The following LRRC4C variants were observed in gnomAD, a reference collection of about 807,000 sequenced individuals.
LRRC4C encodes the protein leucine-rich repeat-containing protein 4C.
Under a neutral mutation model 33.6 loss-of-function variants are expected in LRRC4C, and 5 were observed. The ratio of observed to expected loss-of-function variants is 0.15; its 90% CI spans 0.08 to 0.31. The LOEUF (loss-of-function observed/expected upper bound fraction) is 0.31. LRRC4C is among the 10% of genes least tolerant of loss of function. The pLI, the probability that LRRC4C is intolerant of heterozygous loss-of-function variation, is 1.00. For synonymous variants in LRRC4C, 329 were observed against 302.0 expected (o/e 1.09, Z -0.93); for missense variants, 560 against 796.7 (o/e 0.70, Z 3.58).
At chr11:40,617,208 ATATT>A (rs1279948429) in intron 3 of LRRC4C, among the ~76,000 whole-genome samples, 1 of 151,760 alleles carries the variant, frequency 6.6e-6, no homozygotes, top group African/African-American at 2.4e-5. Flanking sequence ...TTAGATAGCT[ATATT>A]TATTTCTAAT....
At chr11:40,332,629 C>T (rs1036926824) in intron 3 of LRRC4C, among the ~76,000 whole-genome samples, 1 of 152,108 alleles carries the variant, frequency 6.6e-6, no homozygotes, top group Non-Finnish European at 1.5e-5. Context: ...AATATTCTTC[C>T]TTTCCTGGAC....
chr11:41,362,878 T>C (rs1371687360), intron 1 of LRRC4C, among the ~76,000 whole-genome samples: 1 of 152,158 alleles, frequency 6.6e-6, no homozygotes, highest in Non-Finnish European at 1.5e-5. Context: ...TCCTTCTGCT[T>C]CCATCTGCTT....
At chr11:40,246,149 T>C (rs934860339) in intron 4 of LRRC4C, among the ~76,000 whole-genome samples, 2 of 152,044 alleles carry the variant, frequency 1.3e-5, no homozygotes, top group Non-Finnish European at 2.9e-5. Flanking sequence ...AATTTTTATA[T>C]TTTTAGTAGA....
At chr11:41,284,264 C>A (rs1949755763) in intron 1 of LRRC4C, among the ~76,000 whole-genome samples, 1 of 152,184 alleles carries the variant, frequency 6.6e-6, no homozygotes, top group Non-Finnish European at 1.5e-5. Flanking sequence ...ATAGAGACTG[C>A]TATAACTATG....
At chr11:40,550,257 T>A (rs142442286) in intron 3 of LRRC4C, among the ~76,000 whole-genome samples, 17 of 152,264 alleles carry the variant, frequency 1.1e-4, no homozygotes, top group African/African-American at 3.6e-4. Context: ...CTTGATTCCA[T>A]GTCTGCCTCT....
intron 3 of LRRC4C, among the ~76,000 whole-genome samples, chr11:40,439,423 A>C (rs1347675873): frequency 6.6e-6 from 1 of 151,202 alleles, no homozygotes; most frequent in Admixed American, 6.6e-5. Flanking sequence ...ATTACGAGTA[A>C]TAGGTCCTCT....
intron 3 of LRRC4C, among the ~76,000 whole-genome samples, chr11:40,500,529 G>C (rs895962315): frequency 1.6e-4 from 25 of 151,908 alleles, no homozygotes; most frequent in Admixed American, 9.8e-4. Flanking sequence ...ATCATGGTGG[G>C]AGGCAAAAGG....
chr11:40,992,269 T>TC (rs1235635641), intron 1 of LRRC4C, among the ~76,000 whole-genome samples: 7 of 152,114 alleles, frequency 4.6e-5, no homozygotes, highest in Admixed American at 1.3e-4. Context: ...ATAATGCCAC[T>TC]CTTCCCACTA....
At chr11:40,392,510 A>T (rs1284567081) in intron 3 of LRRC4C, among the ~76,000 whole-genome samples, 5 of 152,188 alleles carry the variant, frequency 3.3e-5, no homozygotes, top group East Asian at 1.9e-4. Context: ...TTAATTTTTT[A>T]AAATAAATAA....
chr11:41,433,168 T>C (rs185306223), intron 1 of LRRC4C, among the ~76,000 whole-genome samples: 89 of 152,288 alleles, frequency 5.8e-4, no homozygotes, highest in African/African-American at 2.0e-3. Context: ...CACGAGTTTA[T>C]GAAATTATTT....
At chr11:41,100,135 T>A (rs1283955414) in intron 1 of LRRC4C, among the ~76,000 whole-genome samples, 1 of 151,406 alleles carries the variant, frequency 6.6e-6, no homozygotes, top group Non-Finnish European at 1.5e-5. Context: ...AAAACAAAAA[T>A]CCACCTAGGA....
chr11:41,316,262 C>CA (rs60671406), intron 1 of LRRC4C, among the ~76,000 whole-genome samples: 2,364 of 77,946 alleles, frequency 0.03, 120 homozygotes, highest in South Asian at 0.17. Context: ...CTCTGGATGG[C>CA]AAAAAAAAAA....
intron 1 of LRRC4C, among the ~76,000 whole-genome samples, chr11:41,018,477 A>G (rs1242964136): frequency 6.6e-6 from 1 of 152,126 alleles, no homozygotes; most frequent in Non-Finnish European, 1.5e-5. Context: ...TTGACTTACA[A>G]CTCGTAATAG....
At position 40,115,063 on chromosome 11, in the gene LRRC4C, C is replaced by T. The variant is rs756977171; in HGVS notation, c.1230G>A (p.Thr410=). ...KVRIAVLSDG[T]LNFTNVTVQD... ...GCACAGTTACATTTGTGAAATTTAA[C>T]GTACCATCACTGAGCACAGCTATCC... is the stretch of plus-strand genomic sequence containing the variant. Residue 410 remains threonine, a synonymous_variant, in exon 7 of 7, where the codon ACG becomes ACA. Coordinates refer to ENST00000528697, the MANE Select transcript of LRRC4C (RefSeq NM_001258419.2). This position sits in a 1 kb window ranked among gnomAD's most constrained non-coding sequence, Gnocchi z 6.7. The T allele has an allele frequency of 1.9e-5, 30 of 1,614,086 alleles. No individual in the cohort carries two copies. The highest frequency in any genetic ancestry group is 1.8e-4 in the Admixed American group (11 of 60,006).
At chr11:40,368,590 G>T (rs7120303) in intron 3 of LRRC4C, among the ~76,000 whole-genome samples, 4,740 of 152,210 alleles carry the variant, frequency 0.031, 226 homozygotes, top group African/African-American at 0.1. Context: ...GGACATGATT[G>T]CATGTCTACA....
rs535473965 is a variant in LRRC4C, at chr11:40,402,440, T to A, written c.-269-82719A>T. On this transcript the variant is annotated intron_variant, in intron 3 of 6. Transcript: ENST00000528697. ...TTTTGGCAGTTGAAACTAAGACTCA[T>A]GACTACAGAGTTTATTCATGACAAA... 3.9e-5 allele frequency among the ~76,000 whole-genome samples: 6 copies of A among 152,248 alleles called. 1 individual carries two copies. The highest frequency in any genetic ancestry group is 1.4e-4 in the African/African-American group (6 of 41,572).
At chr11:40,190,546 T>C (rs1198961232) in intron 5 of LRRC4C, among the ~76,000 whole-genome samples, 1 of 152,238 alleles carries the variant, frequency 6.6e-6, no homozygotes, top group African/African-American at 2.4e-5. Context: ...TGGACACAGA[T>C]GCATTTAATT....
At chr11:40,270,211 G>A (rs1942588514) in intron 4 of LRRC4C, among the ~76,000 whole-genome samples, 2 of 152,148 alleles carry the variant, frequency 1.3e-5, no homozygotes, top group South Asian at 2.1e-4. Context: ...TAGTGTTGCC[G>A]TAACAAAATA....
At chr11:41,371,375 G>C (rs1156465779) in intron 1 of LRRC4C, among the ~76,000 whole-genome samples, 1 of 152,212 alleles carries the variant, frequency 6.6e-6, no homozygotes, top group Non-Finnish European at 1.5e-5. Flanking sequence ...TAGAAGGCCA[G>C]ATTCCAATGT....
Sources: allele counts gnomAD v4.1 joint callset (sites outside exome capture counted in the v4.1 genomes callset), GRCh38; gene constraint gnomAD v4.1.1; non-coding constraint Gnocchi (gnomAD v3.1); transcripts MANE v1.5; gene names NCBI Gene and HGNC (gene_info 2026-07-23, HGNC 2026-07-21).